The following DLGAP2 variants were observed in gnomAD, a reference collection of about 807,000 sequenced individuals.
DLGAP2 encodes the protein disks large-associated protein 2.
In DLGAP2, 26 loss-of-function variants were observed where a neutral mutation model predicts 100.3. The ratio of observed to expected loss-of-function variants is 0.26; its 90% confidence interval spans 0.19 to 0.36. The LOEUF is 0.36. Among genes scored for constraint, DLGAP2 ranks in the 10% least tolerant of loss-of-function variants. The probability of loss-of-function intolerance (pLI) is 1.00; values close to 1 mark genes in which losing one functional copy is unlikely to be tolerated. For missense variants in DLGAP2, 1,858 were observed against 1,453.2 expected (o/e 1.28, Z -4.53); for synonymous variants, 886 against 630.1 (o/e 1.41, Z -6.08).
At chr8:1,619,501 A>G (rs76232185) in intron 6 of DLGAP2, among the ~76,000 whole-genome samples, 5,526 of 152,304 alleles carry the variant, frequency 0.036, 317 homozygotes, top group African/African-American at 0.12. Flanking sequence ...ATTTTTTGGT[A>G]AGTTTACCTT....
At chr8:1,332,312 GTGTC>G (rs1310352030) in intron 3 of DLGAP2, among the ~76,000 whole-genome samples, 20 of 152,164 alleles carry the variant, frequency 1.3e-4, no homozygotes, top group Middle Eastern at 3.4e-3. Flanking sequence ...CAGTGTGTGT[GTGTC>G]TGTATGCGAG....
At position 984,837 on chromosome 8, in the gene DLGAP2, C is replaced by A. The variant is rs961651109; in HGVS notation, c.73+76871C>A. 2.6e-5 allele frequency among the ~76,000 whole-genome samples: 4 copies of A among 152,170 alleles called. No individual in the cohort carries two copies. In the East Asian group the frequency reaches 5.8e-4, roughly 22 times the overall value. ...GTGGCATAAACAAATGCACCTGATTCTTCACTGGTCATAAAATGAGGGTGA... is the reference window on the plus strand; with the variant it reads ...GTGGCATAAACAAATGCACCTGATTATTCACTGGTCATAAAATGAGGGTGA... On this transcript the variant is annotated intron_variant, in intron 2 of 14. Transcript: ENST00000637795.
intron 1 of DLGAP2, among the ~76,000 whole-genome samples, chr8:850,017 T>C (rs1001748992): frequency 1.5e-4 from 22 of 151,076 alleles, no homozygotes; most frequent in Non-Finnish European, 2.9e-4. Flanking sequence ...TGAGCTGAGA[T>C]TGTGCCACGC....
intron 2 of DLGAP2, among the ~76,000 whole-genome samples, chr8:934,684 C>A (rs1014987617): frequency 6.6e-6 from 1 of 152,046 alleles, no homozygotes; most frequent in African/African-American, 2.4e-5. Flanking sequence ...CATCCTGCTT[C>A]ATGCTCGCTC....
chr8:1,113,313 A>G (rs1805018047), intron 2 of DLGAP2, among the ~76,000 whole-genome samples: 1 of 152,176 alleles, frequency 6.6e-6, no homozygotes, highest in Non-Finnish European at 1.5e-5. Context: ...ATTTTAATTA[A>G]GTTGATGCTT....
At chr8:1,464,041 A>G (rs1359925701) in intron 3 of DLGAP2, among the ~76,000 whole-genome samples, 3 of 152,128 alleles carry the variant, frequency 2.0e-5, no homozygotes, top group Non-Finnish European at 2.9e-5. Context: ...AGGGAAATCA[A>G]CAGAATTCAC....
chr8:1,373,276 G>T (rs1187327814), intron 3 of DLGAP2, among the ~76,000 whole-genome samples: 1 of 151,830 alleles, frequency 6.6e-6, no homozygotes, highest in South Asian at 2.1e-4. Context: ...ACGCGCGTGC[G>T]GCCCGGAGGG....
chr8:1,658,410 A>T (rs1191006348), intron 8 of DLGAP2, among the ~76,000 whole-genome samples: 2 of 152,148 alleles, frequency 1.3e-5, no homozygotes, highest in African/African-American at 4.8e-5. Context: ...TATATACTTT[A>T]AGTTCTGGGA....
intron 2 of DLGAP2, among the ~76,000 whole-genome samples, chr8:1,132,462 T>G (rs924707475): frequency 6.6e-6 from 1 of 152,216 alleles, no homozygotes; most frequent in African/African-American, 2.4e-5. Context: ...AAGAATCAAC[T>G]AAATAATTAA....
chr8:792,800 T>C (rs1248532613), intron 1 of DLGAP2, among the ~76,000 whole-genome samples: 1 of 152,242 alleles, frequency 6.6e-6, no homozygotes, highest in Admixed American at 6.5e-5. Flanking sequence ...TGAACCATCT[T>C]TTCATTGTGT....
intron 2 of DLGAP2, among the ~76,000 whole-genome samples, chr8:1,254,006 G>C (rs1169956908): frequency 6.6e-6 from 1 of 152,234 alleles, no homozygotes; most frequent in Non-Finnish European, 1.5e-5. Context: ...TTGGACGAGA[G>C]GTGCGGAACC....
At chr8:1,360,677 G>T (rs1300558594) in intron 3 of DLGAP2, among the ~76,000 whole-genome samples, 3 of 152,180 alleles carry the variant, frequency 2.0e-5, no homozygotes, top group Admixed American at 2.0e-4. Context: ...CTCAGAGACC[G>T]AGAAACACAC....
At chr8:1,145,684 A>T (rs1040414710) in intron 2 of DLGAP2, among the ~76,000 whole-genome samples, 6 of 151,290 alleles carry the variant, frequency 4.0e-5, no homozygotes, top group Admixed American at 6.6e-5. Context: ...ACATATGTAT[A>T]CATGTGCCAT....
chr8:1,680,200 T>A (rs1343813362), intron 12 of DLGAP2, among the ~76,000 whole-genome samples: 1 of 152,218 alleles, frequency 6.6e-6, no homozygotes, highest in Admixed American at 6.5e-5. Context: ...TCTTTTTCTG[T>A]GAATTTATTT....
At chr8:1,457,794 C>T (rs1798356433) in intron 3 of DLGAP2, among the ~76,000 whole-genome samples, 1 of 151,802 alleles carries the variant, frequency 6.6e-6, no homozygotes, top group Non-Finnish European at 1.5e-5. Context: ...CTCCAGGATG[C>T]CTCAGTGATG....
At chr8:1,597,456 G>A (rs1337289246) in intron 6 of DLGAP2, among the ~76,000 whole-genome samples, 1 of 151,682 alleles carries the variant, frequency 6.6e-6, no homozygotes, top group African/African-American at 2.4e-5. Flanking sequence ...AATTACTTTG[G>A]GCAGTATGGC....
chr8:1,614,966 A>G (rs1243865959), intron 6 of DLGAP2, among the ~76,000 whole-genome samples: 1 of 152,232 alleles, frequency 6.6e-6, no homozygotes, highest in Non-Finnish European at 1.5e-5. Context: ...GCGGCTGCCC[A>G]TGGTCCTGTG....
chr8:1,311,796 G>A, intron 3 of DLGAP2, among the ~76,000 whole-genome samples: 1 of 152,068 alleles, frequency 6.6e-6, no homozygotes, highest in East Asian at 1.9e-4. Context: ...AAGACATCCA[G>A]TTTCCTGTCC....
At chr8:1,041,098 G>A (rs1802334468) in intron 2 of DLGAP2, among the ~76,000 whole-genome samples, 1 of 152,144 alleles carries the variant, frequency 6.6e-6, no homozygotes, top group African/African-American at 2.4e-5. Flanking sequence ...CTTTCCTAAG[G>A]GGAGGTATCT....
Sources: allele counts gnomAD v4.1 joint callset (sites outside exome capture counted in the v4.1 genomes callset), GRCh38; gene constraint gnomAD v4.1.1; transcripts MANE v1.5; gene names NCBI Gene and HGNC (gene_info 2026-07-23, HGNC 2026-07-21).